Variants in IGF1R observed in about 807,000 individuals in gnomAD.
IGF1R encodes insulin-like growth factor 1 receptor.
IGF1R carries 44 observed loss-of-function variants against 144.6 expected under a neutral mutation model. That is an observed-to-expected ratio of 0.30 (90% CI 0.24 to 0.39). The LOEUF (loss-of-function observed/expected upper bound fraction) is 0.39, where lower values mean the gene tolerates loss of function less well. IGF1R is among the 10% of genes least tolerant of loss of function. The pLI, the probability that IGF1R is intolerant of heterozygous loss-of-function variation, is 1.00. For synonymous variants in IGF1R, 795 were observed against 722.8 expected (o/e 1.10, Z -1.60); for missense variants, 1,355 against 1,833.7 (o/e 0.74, Z 4.77).
intron 2 of IGF1R, among the ~76,000 whole-genome samples, chr15:98,772,425 G>T (rs1862250947): frequency 6.7e-6 from 1 of 150,310 alleles, no homozygotes; most frequent in Non-Finnish European, 1.5e-5. Flanking sequence ...CCTAAGAAAG[G>T]TTTGTAAAAA....
chr15:98,930,178 T>C, intron 14 of IGF1R, 57 bp from the exon 15 acceptor site: 2 of 1,137,274 alleles, frequency 1.8e-6, no homozygotes, highest in South Asian at 1.2e-5. Context: ...GATGAAAGTA[T>C]ATACAGGAAT....
chr15:98,823,883 C>T (rs1382979836), intron 2 of IGF1R, among the ~76,000 whole-genome samples: 1 of 152,074 alleles, frequency 6.6e-6, no homozygotes, highest in Non-Finnish European at 1.5e-5. Context: ...TGGCTAACCA[C>T]TATTTTCAGG....
At chr15:98,910,514 C>G (rs1222590290) in intron 6 of IGF1R, among the ~76,000 whole-genome samples, 1 of 152,200 alleles carries the variant, frequency 6.6e-6, no homozygotes, top group East Asian at 1.9e-4. Flanking sequence ...GGGATTCAGG[C>G]AGATAAGAGG....
At chr15:98,658,809 GTAAT>G (rs1229652201) in intron 1 of IGF1R, among the ~76,000 whole-genome samples, 22 of 152,164 alleles carry the variant, frequency 1.4e-4, no homozygotes, top group Non-Finnish European at 4.4e-5. Flanking sequence ...TTCCTTGCTT[GTAAT>G]TTTATTAGGA....
chr15:98,911,193 C>A, intron 6 of IGF1R, 122 bp from the exon 7 acceptor site: 1 of 1,086,074 alleles, frequency 9.2e-7, no homozygotes, highest in Non-Finnish European at 1.4e-6. Context: ...ACTGAGGAAG[C>A]CCAGAAGGGA....
At chr15:98,762,024 C>A (rs1216884368) in intron 2 of IGF1R, among the ~76,000 whole-genome samples, 1 of 152,164 alleles carries the variant, frequency 6.6e-6, no homozygotes, top group Non-Finnish European at 1.5e-5. Context: ...GCCTGCCTAG[C>A]ATTTGTTCCC....
At chr15:98,783,406 A>G (rs1017284969) in intron 2 of IGF1R, among the ~76,000 whole-genome samples, 3 of 152,232 alleles carry the variant, frequency 2.0e-5, no homozygotes, top group African/African-American at 4.8e-5. Flanking sequence ...GACTCATAGT[A>G]TGTAACCTTT....
At chr15:98,670,333 G>C (rs1251143430) in intron 1 of IGF1R, among the ~76,000 whole-genome samples, 1 of 152,118 alleles carries the variant, frequency 6.6e-6, no homozygotes, top group Non-Finnish European at 1.5e-5. Context: ...TACTAGACTT[G>C]ATGGGGTGGT....
At chr15:98,721,777 CAAACT>C (rs1457516610) in intron 2 of IGF1R, among the ~76,000 whole-genome samples, 2 of 152,142 alleles carry the variant, frequency 1.3e-5, no homozygotes, top group Admixed American at 6.5e-5. Context: ...AATGAATAAA[CAAACT>C]AAATAACAGT....
At chr15:98,806,565 T>C (rs532007319) in intron 2 of IGF1R, among the ~76,000 whole-genome samples, 2 of 152,158 alleles carry the variant, frequency 1.3e-5, no homozygotes, top group East Asian at 1.9e-4. Context: ...AAATATTAAA[T>C]AAACACTTTC....
chr15:98,827,310 C>T (rs931009129), intron 2 of IGF1R, among the ~76,000 whole-genome samples: 5 of 152,190 alleles, frequency 3.3e-5, no homozygotes, highest in African/African-American at 1.2e-4. Flanking sequence ...CTGCACTATG[C>T]CCTGTAACCT....
At chr15:98,872,729 G>A (rs905751051) in intron 2 of IGF1R, among the ~76,000 whole-genome samples, 13 of 152,060 alleles carry the variant, frequency 8.5e-5, no homozygotes, top group African/African-American at 2.7e-4. Context: ...ATTCTAACCC[G>A]AGAGTCCCTG....
chr15:98,828,216 C>T (rs1234331899), intron 2 of IGF1R, among the ~76,000 whole-genome samples: 1 of 152,158 alleles, frequency 6.6e-6, no homozygotes, highest in Non-Finnish European at 1.5e-5. Context: ...TTCCCAGCAC[C>T]CTAAATACTC....
chr15:98,675,779 C>T (rs1409214655), intron 1 of IGF1R, among the ~76,000 whole-genome samples: 2 of 148,606 alleles, frequency 1.3e-5, no homozygotes, highest in Non-Finnish European at 3.0e-5. Context: ...TTTTTTTCTT[C>T]ACTGGATTAT....
intron 2 of IGF1R, among the ~76,000 whole-genome samples, chr15:98,776,850 C>T (rs141104171): frequency 2.6e-5 from 4 of 152,278 alleles, no homozygotes; most frequent in East Asian, 1.9e-4. Context: ...ATGGTCTTTC[C>T]GGAGGGGCGG....
chr15:98,751,902 C>T, intron 2 of IGF1R, among the ~76,000 whole-genome samples: 1 of 152,308 alleles, frequency 6.6e-6, no homozygotes, highest in South Asian at 2.1e-4. Flanking sequence ...CACCCTTTCC[C>T]TTCCCCAGCC....
chr15:98,657,062 A>T (rs2052502895), intron 1 of IGF1R, among the ~76,000 whole-genome samples: 1 of 152,216 alleles, frequency 6.6e-6, no homozygotes, highest in African/African-American at 2.4e-5. Flanking sequence ...GATTGCTTTC[A>T]GCTTGTCCTC....
chr15:98,690,202 G>A (rs1041049110), intron 1 of IGF1R, among the ~76,000 whole-genome samples: 5 of 152,122 alleles, frequency 3.3e-5, no homozygotes, highest in African/African-American at 1.2e-4. Context: ...AATTAGCCAA[G>A]CATGGTGGTG....
At chr15:98,753,380 CTTTT>C (rs1173073572) in intron 2 of IGF1R, among the ~76,000 whole-genome samples, 17 of 60,280 alleles carry the variant, frequency 2.8e-4, no homozygotes, top group East Asian at 5.6e-4. Context: ...CCATACCTGG[CTTTT>C]TTTTTTTTTT....
Sources: allele counts gnomAD v4.1 joint callset (sites outside exome capture counted in the v4.1 genomes callset), GRCh38; gene constraint gnomAD v4.1.1; transcripts MANE v1.5; gene names NCBI Gene and HGNC (gene_info 2026-07-23, HGNC 2026-07-21).